Variants in KHDRBS2 observed in about 807,000 individuals in gnomAD.
The protein encoded by KHDRBS2 is KH RNA binding domain containing, signal transduction associated 2, also known as KH domain-containing, RNA-binding, signal transduction-associated protein 2.
Under a neutral mutation model 44.3 loss-of-function variants are expected in KHDRBS2, and 26 were observed. That is an observed-to-expected ratio of 0.59 (90% CI 0.43 to 0.81). KHDRBS2 has a LOEUF of 0.81. KHDRBS2 is among the 40% of genes least tolerant of loss of function. KHDRBS2 has a pLI of 0.00. For missense variants in KHDRBS2, 476 were observed against 433.1 expected, an observed-to-expected ratio of 1.10 and a Z score of -0.88; for synonymous variants, 194 against 151.1, an observed-to-expected ratio of 1.28 and a Z score of -2.08.
chr6:61,669,408 T>A, the KHDRBS2 span, among the ~76,000 whole-genome samples: 1 of 150,854 alleles, frequency 6.6e-6, no homozygotes, highest in African/African-American at 2.4e-5. Flanking sequence ...TAGTACCTAT[T>A]ATAAATACAT....
At chr6:61,548,167 T>C in the KHDRBS2 span, among the ~76,000 whole-genome samples, 1 of 152,102 alleles carries the variant, frequency 6.6e-6, no homozygotes, top group African/African-American at 2.4e-5. Flanking sequence ...TGAAAATACA[T>C]AGAAATATTT....
chr6:62,084,471 G>C lies in KHDRBS2; in HGVS notation c.220-36477C>G, dbSNP rs544560802. 2.0e-5 allele frequency among the ~76,000 whole-genome samples: 3 copies of C among 152,254 alleles called. No homozygotes were observed. In the South Asian group the frequency reaches 6.2e-4, roughly 32 times the overall value. On this transcript the variant is annotated intron_variant, in intron 2 of 8. Coordinates refer to ENST00000281156, the MANE Select transcript of KHDRBS2 (RefSeq NM_152688.4). ...GTAAAGAAAAAAGTTATGACACTCT[G>C]CTGTGTGTACCCTGGGGAGAGACTC...
At chr6:61,603,168 C>T in the KHDRBS2 span, among the ~76,000 whole-genome samples, 1 of 152,128 alleles carries the variant, frequency 6.6e-6, no homozygotes, top group Non-Finnish European at 1.5e-5. Flanking sequence ...CTTTTAAAGC[C>T]TATAAACTCT....
intron 4 of KHDRBS2, among the ~76,000 whole-genome samples, chr6:61,963,192 A>C (rs953500603): frequency 4.6e-5 from 7 of 152,076 alleles, no homozygotes; most frequent in African/African-American, 1.7e-4. Flanking sequence ...TATGTTCTAA[A>C]CATGAGATAA....
At chr6:62,130,394 C>T (rs1810009739) in intron 2 of KHDRBS2, among the ~76,000 whole-genome samples, 2 of 152,152 alleles carry the variant, frequency 1.3e-5, no homozygotes, top group Admixed American at 1.3e-4. Flanking sequence ...CTAAAGTATA[C>T]AATCTTAGTT....
intron 6 of KHDRBS2, among the ~76,000 whole-genome samples, chr6:61,788,007 G>A (rs1301314389): frequency 6.6e-6 from 1 of 151,534 alleles, no homozygotes; most frequent in Non-Finnish European, 1.5e-5. Flanking sequence ...CATTAACTAA[G>A]TACTATATTT....
chr6:61,779,650 T>C (rs953857136), intron 6 of KHDRBS2, among the ~76,000 whole-genome samples: 131 of 138,198 alleles, frequency 9.5e-4, no homozygotes, highest in African/African-American at 3.5e-3. Flanking sequence ...AATTAGAAAA[T>C]ATGGCACTGC....
chr6:61,816,661 T>C (rs1265915719), intron 6 of KHDRBS2: 1 of 441,884 alleles, frequency 2.3e-6, no homozygotes, highest in Admixed American at 2.4e-5. Context: ...ATACAAGCGT[T>C]ATCTGTTTTG....
intron 1 of KHDRBS2, among the ~76,000 whole-genome samples, chr6:62,222,554 C>G (rs2150153300): frequency 6.6e-6 from 1 of 152,194 alleles, no homozygotes; most frequent in African/African-American, 2.4e-5. Flanking sequence ...CCACCAGGTC[C>G]CTCAAACAAC....
intron 3 of KHDRBS2, among the ~76,000 whole-genome samples, chr6:62,009,891 T>TCTA (rs1385743146): frequency 6.6e-6 from 1 of 152,188 alleles, no homozygotes; most frequent in Non-Finnish European, 1.5e-5. Context: ...GGCAGGGTCC[T>TCTA]CATGTAGAAG....
the KHDRBS2 span, among the ~76,000 whole-genome samples, chr6:61,555,928 A>G: frequency 6.6e-6 from 1 of 152,214 alleles, no homozygotes; most frequent in Admixed American, 6.5e-5. Context: ...CACTCGCCAC[A>G]ACACTCTAAA....
At chr6:61,949,562 C>T (rs72882475) in intron 4 of KHDRBS2, among the ~76,000 whole-genome samples, 2,410 of 152,030 alleles carry the variant, frequency 0.016, 36 homozygotes, top group Non-Finnish European at 0.022. Context: ...AAAAGTTTTG[C>T]CCCCAAATTC....
At chr6:62,158,460 T>C (rs1434886903) in intron 2 of KHDRBS2, among the ~76,000 whole-genome samples, 1 of 152,166 alleles carries the variant, frequency 6.6e-6, no homozygotes, top group Non-Finnish European at 1.5e-5. Flanking sequence ...AGTTAAACGA[T>C]AGTGCAGCTA....
intron 2 of KHDRBS2, among the ~76,000 whole-genome samples, chr6:62,153,022 GA>G (rs1393464461): frequency 2.6e-5 from 4 of 152,184 alleles, no homozygotes; most frequent in Admixed American, 6.5e-5. Flanking sequence ...TTACGTATGT[GA>G]ATGAACAGCT....
intron 6 of KHDRBS2, among the ~76,000 whole-genome samples, chr6:61,802,422 T>G (rs1332693495): frequency 6.6e-6 from 1 of 152,184 alleles, no homozygotes; most frequent in Non-Finnish European, 1.5e-5. Flanking sequence ...TCTTAAGGGC[T>G]TTTGCTCATA....
intron 2 of KHDRBS2, 34 bp downstream of exon 2, chr6:62,177,151 C>T: frequency 8.1e-7 from 1 of 1,236,918 alleles, no homozygotes; most frequent in Non-Finnish European, 1.1e-6. Flanking sequence ...ATTTCTAAAT[C>T]AATTATATGA....
At chr6:61,662,401 A>G in the KHDRBS2 span, among the ~76,000 whole-genome samples, 33 of 151,232 alleles carry the variant, frequency 2.2e-4, no homozygotes, top group African/African-American at 7.5e-4. Context: ...GACAAATGGG[A>G]TCTAATTAAA....
chr6:61,653,323 C>A, the KHDRBS2 span, among the ~76,000 whole-genome samples: 16 of 152,022 alleles, frequency 1.1e-4, no homozygotes, highest in African/African-American at 3.9e-4. Context: ...CTTCTGTGGA[C>A]AGGGTATAAA....
the KHDRBS2 span, among the ~76,000 whole-genome samples, chr6:61,597,773 T>TATATATATATATATATACATACATACAC: frequency 7.1e-5 from 3 of 42,346 alleles, no homozygotes; most frequent in Non-Finnish European, 9.5e-5. Flanking sequence ...TATATATATA[T>TATATATATATATATATACATACATACAC]ACACCAAGAT....
Sources: allele counts gnomAD v4.1 joint callset (sites outside exome capture counted in the v4.1 genomes callset), GRCh38; gene constraint gnomAD v4.1.1; transcripts MANE v1.5; gene names NCBI Gene and HGNC (gene_info 2026-07-23, HGNC 2026-07-21).